Variants in MYT1L observed in about 807,000 individuals in gnomAD.
MYT1L encodes myelin transcription factor 1 like.
In MYT1L, 12 loss-of-function variants were observed where a neutral mutation model predicts 126.7. That is an observed-to-expected ratio of 0.09 (90% CI 0.06 to 0.15). The LOEUF is 0.15. Ranked by LOEUF, MYT1L falls within the 10% of genes least tolerant of loss-of-function variation. The pLI is 1.00. For synonymous variants in MYT1L, 541 were observed against 604.2 expected, an observed-to-expected ratio of 0.90 and a Z score of 1.53; for missense variants, 979 against 1,585.2, an observed-to-expected ratio of 0.62 and a Z score of 6.49.
chr2:2,189,671 A>G (rs1258369505), intron 2 of MYT1L, among the ~76,000 whole-genome samples: 2 of 152,214 alleles, frequency 1.3e-5, no homozygotes, highest in Non-Finnish European at 2.9e-5. Flanking sequence ...CATGAACAAA[A>G]TCTCTGCGAG....
At chr2:1,804,998 A>C (rs2035471852) in intron 22 of MYT1L, among the ~76,000 whole-genome samples, 1 of 152,144 alleles carries the variant, frequency 6.6e-6, no homozygotes, top group African/African-American at 2.4e-5. Context: ...AACTTCAGCC[A>C]AGGTGCCAAG....
At chr2:2,154,005 T>C (rs769860789) in intron 3 of MYT1L, among the ~76,000 whole-genome samples, 4 of 152,160 alleles carry the variant, frequency 2.6e-5, no homozygotes, top group Non-Finnish European at 4.4e-5. Context: ...GGAGAGGGCC[T>C]CTGGACCGGA....
chr2:2,227,973 C>T (rs2094056724), intron 2 of MYT1L, among the ~76,000 whole-genome samples: 1 of 152,228 alleles, frequency 6.6e-6, no homozygotes, highest in South Asian at 2.1e-4. Flanking sequence ...AAGGCAGATA[C>T]TATTAACTCC....
chr2:1,883,575 T>G (rs139418072), intron 18 of MYT1L, among the ~76,000 whole-genome samples: 115 of 152,250 alleles, frequency 7.6e-4, no homozygotes, highest in East Asian at 1.9e-4. Flanking sequence ...ATGTATTCTT[T>G]TTCGCTTTTT....
At chr2:1,967,905 G>T (rs1422529267) in intron 8 of MYT1L, among the ~76,000 whole-genome samples, 1 of 152,178 alleles carries the variant, frequency 6.6e-6, no homozygotes, top group African/African-American at 2.4e-5. Context: ...AAAGAGTCCT[G>T]CTGTCTGTGT....
At chr2:2,075,860 G>A (rs149490499) in intron 3 of MYT1L, among the ~76,000 whole-genome samples, 2,396 of 152,372 alleles carry the variant, frequency 0.016, 36 homozygotes, top group Middle Eastern at 0.037. Context: ...CGATGAGTGT[G>A]ACTTTTTAAT....
chr2:2,295,595 G>GAGAGAGAGAGAGAGAGACAGACAGAC (rs1559583703), intron 1 of MYT1L, among the ~76,000 whole-genome samples: 4 of 79,348 alleles, frequency 5.0e-5, no homozygotes, highest in Non-Finnish European at 8.6e-5. Flanking sequence ...CAGACAGACA[G>GAGAGAGAGAGAGAGAGACAGACAGAC]AGAGAGAGAC....
At chr2:2,282,794 G>T (rs1559545093) in intron 2 of MYT1L, among the ~76,000 whole-genome samples, 1 of 152,194 alleles carries the variant, frequency 6.6e-6, no homozygotes, top group African/African-American at 2.4e-5. Context: ...AGTTCTTCAG[G>T]CTGGGCACAG....
Position 1,979,086 on chromosome 2 carries a change from C to T in MYT1L, c.152+79G>A. The T allele has an allele frequency of 8.6e-7, 1 of 1,156,418 alleles. No homozygotes were observed. The highest frequency in any genetic ancestry group is 1.3e-5 in the South Asian group (1 of 75,422). 71.6% of individuals were successfully genotyped at this position (1,156,418 alleles called of 1,614,324 possible). A position where few individuals can be genotyped will look rare whatever the true frequency, so the allele number is the denominator to read the frequency against. ...ATTGCTTTCCAAGAACACCTGCTCA[C>T]ACAGTTCATCATCAGGACTGGGTCC... On this transcript the variant is annotated intron_variant, in intron 8 of 24. Transcript: ENST00000647738. The surrounding 1 kb of genome is among the most constrained non-coding windows in gnomAD (Gnocchi z 4.0).
At chr2:2,002,002 C>A (rs910384790) in intron 4 of MYT1L, among the ~76,000 whole-genome samples, 1 of 152,084 alleles carries the variant, frequency 6.6e-6, no homozygotes, top group Non-Finnish European at 1.5e-5. Context: ...ATCTTGATCC[C>A]GTGTGCACAT....
rs113912715 is a variant in MYT1L, at chr2:1,823,961, G to A, written c.3081-14794C>T. Among the ~76,000 whole-genome samples, 36 of 152,260 alleles carry A rather than the reference G, an allele frequency of 2.4e-4. 1 individual carries two copies. In the South Asian group the frequency reaches 2.5e-3, roughly 11 times the overall value. ...GTGGCACAGTGTTGGCCTGGGCCTCGCCGTCCCTGGCACGACCCATGGGAT... is the reference window on the plus strand; with the variant it reads ...GTGGCACAGTGTTGGCCTGGGCCTCACCGTCCCTGGCACGACCCATGGGAT... On this transcript the variant is annotated intron_variant, in intron 21 of 24. Transcript: ENST00000647738.
rs551371510 is a variant in MYT1L at position 2,205,005 on chromosome 2, C to T, written c.-420-32017G>A. 5.3e-5 allele frequency among the ~76,000 whole-genome samples: 8 copies of T among 150,684 alleles called. No individual in the cohort carries two copies. The East Asian group carries it at 7.9e-4, about 15-fold the overall frequency. On this transcript the variant is annotated intron_variant, in intron 2 of 24. Coordinates refer to ENST00000647738, the MANE Select transcript of MYT1L (RefSeq NM_001303052.2). ...GAAACCATCATTCTCAGCAAACTAGCGCAAGGACAAAAAACCAAACACTGC... is the reference window on the plus strand; with the variant it reads ...GAAACCATCATTCTCAGCAAACTAGTGCAAGGACAAAAAACCAAACACTGC...
intron 4 of MYT1L, among the ~76,000 whole-genome samples, chr2:2,005,788 G>T (rs1011051419): frequency 7.7e-6 from 1 of 130,644 alleles, no homozygotes; most frequent in South Asian, 2.4e-4. Context: ...TCCTGTGTGC[G>T]TTCTTTCCTG....
At chr2:2,183,783 G>T (rs1024416830) in intron 2 of MYT1L, among the ~76,000 whole-genome samples, 2 of 147,224 alleles carry the variant, frequency 1.4e-5, no homozygotes, top group Non-Finnish European at 3.0e-5. Flanking sequence ...AAGGAAGGAA[G>T]GAGAGGAGGG....
intron 8 of MYT1L, among the ~76,000 whole-genome samples, chr2:1,970,270 T>C (rs562158465): frequency 2.0e-5 from 3 of 152,174 alleles, no homozygotes; most frequent in South Asian, 2.1e-4. Flanking sequence ...CAGCCCCAGA[T>C]AGGGGACTCG....
At chr2:1,842,960 GGC>G (rs936870532) in intron 19 of MYT1L, 2 of 169,114 alleles carry the variant, frequency 1.2e-5, no homozygotes, top group African/African-American at 4.9e-5. Flanking sequence ...TCCGCTTCCA[GGC>G]GCGCGGTGCT....
intron 2 of MYT1L, among the ~76,000 whole-genome samples, chr2:2,183,149 G>C (rs909839807): frequency 6.6e-6 from 1 of 152,176 alleles, no homozygotes; most frequent in Non-Finnish European, 1.5e-5. Flanking sequence ...TGTTTGGATG[G>C]TAAGTCCTGG....
intron 1 of MYT1L, among the ~76,000 whole-genome samples, chr2:2,318,511 G>A (rs770343553): frequency 9.2e-5 from 14 of 152,120 alleles, no homozygotes; most frequent in Non-Finnish European, 1.8e-4. Flanking sequence ...GGATCTCTTA[G>A]GAAAAAGGAT....
At chr2:2,288,877 C>A (rs2095559228) in intron 1 of MYT1L, among the ~76,000 whole-genome samples, 1 of 152,138 alleles carries the variant, frequency 6.6e-6, no homozygotes, top group African/African-American at 2.4e-5. Context: ...CTCAGGAATG[C>A]CAGGCTTATA....
Sources: allele counts gnomAD v4.1 joint callset (sites outside exome capture counted in the v4.1 genomes callset), GRCh38; gene constraint gnomAD v4.1.1; non-coding constraint Gnocchi (gnomAD v3.1); transcripts MANE v1.5; gene names NCBI Gene and HGNC (gene_info 2026-07-23, HGNC 2026-07-21).